Variants in PTGFRN observed in about 807,000 individuals in gnomAD.
PTGFRN encodes the protein prostaglandin F2 receptor negative regulator.
PTGFRN carries 35 observed loss-of-function variants against 83.2 expected under a neutral mutation model. The observed-to-expected ratio is 0.42, with a 90% CI of 0.32 to 0.56. The LOEUF (loss-of-function observed/expected upper bound fraction) is 0.56. Ranked by LOEUF, PTGFRN falls within the 20% of genes least tolerant of loss-of-function variation. The pLI is 0.11. For missense variants in PTGFRN, 1,051 were observed against 1,179.5 expected (o/e 0.89, Z 1.60); for synonymous variants, 519 against 498.6 (o/e 1.04, Z -0.55).
At chr1:116,986,643 TCTC>T (rs1651495182) in intron 8 of PTGFRN, among the ~76,000 whole-genome samples, 155 bp from the exon 9 acceptor site, 1 of 152,318 alleles carries the variant, frequency 6.6e-6, no homozygotes, top group African/African-American at 2.4e-5. Flanking sequence ...AGGCTGAGCT[TCTC>T]CTGTCTCCAG....
In PTGFRN at chr1:116,923,310, T is replaced by G. The variant is rs1374938360; in HGVS notation, c.49+13058T>G. ...GGCAGAAGATATCTATGTGTCCTTTTTACTATCTTTCTTATGTGTGCTTAT... is the reference window on the plus strand; with the variant it reads ...GGCAGAAGATATCTATGTGTCCTTTGTACTATCTTTCTTATGTGTGCTTAT... On this transcript the variant is annotated intron_variant, in intron 1 of 8. Coordinates refer to ENST00000393203, the MANE Select transcript of PTGFRN (RefSeq NM_020440.4). This position sits in a 1 kb window ranked among gnomAD's most constrained non-coding sequence, Gnocchi z 4.0. Among the ~76,000 whole-genome samples the G allele has an allele frequency of 6.6e-6, 1 of 152,272 alleles. No individual in the cohort carries two copies. Among genetic ancestry groups the G allele is most frequent in the Non-Finnish European group, 1.5e-5 (1 of 68,050 alleles).
At chr1:116,935,951 G>A (rs1024201120) in intron 1 of PTGFRN, among the ~76,000 whole-genome samples, 2 of 152,180 alleles carry the variant, frequency 1.3e-5, no homozygotes, top group Non-Finnish European at 2.9e-5. Context: ...GAAAACAAAT[G>A]AAGCCATAAT....
At position 116,941,169 on chromosome 1, in the gene PTGFRN, A is replaced by G. The variant is rs1650049239; in HGVS notation, c.50-546A>G. Among the ~76,000 whole-genome samples the G allele has an allele frequency of 6.6e-6, 1 of 152,220 alleles. No individual in the cohort carries two copies. Among genetic ancestry groups the G allele is most frequent in the African/African-American group, 2.4e-5 (1 of 41,454 alleles). On this transcript the variant is annotated intron_variant, in intron 1 of 8. Coordinates refer to ENST00000393203, the MANE Select transcript of PTGFRN (RefSeq NM_020440.4). This position sits in a 1 kb window ranked among gnomAD's most constrained non-coding sequence, Gnocchi z 5.0. ...AAAATTAATACTTGGTAAAATCATCATATTTTAAAATTAATTTATAGGCAA... is the reference window on the plus strand; with the variant it reads ...AAAATTAATACTTGGTAAAATCATCGTATTTTAAAATTAATTTATAGGCAA...
At chr1:116,963,480 A>T (rs1650731471) in intron 5 of PTGFRN, among the ~76,000 whole-genome samples, 1 of 151,996 alleles carries the variant, frequency 6.6e-6, no homozygotes, top group African/African-American at 2.4e-5. Context: ...GCTCTCTCTT[A>T]TGTCTTTGGT....
chr1:116,974,140 C>A, intron 6 of PTGFRN, 76 bp from the exon 7 acceptor site: 4 of 1,093,248 alleles, frequency 3.7e-6, no homozygotes, highest in African/African-American at 3.2e-5. Flanking sequence ...CATTTTGATG[C>A]CCCTTAGAGT....
chr1:116,945,943 C>T (rs1650191771), intron 3 of PTGFRN, among the ~76,000 whole-genome samples: 1 of 152,050 alleles, frequency 6.6e-6, no homozygotes, highest in Non-Finnish European at 1.5e-5. Context: ...GAGGCTTGTT[C>T]CCAGGCCCTG....
At chr1:116,982,387 A>G (rs751182557) in intron 7 of PTGFRN, among the ~76,000 whole-genome samples, 10 of 152,110 alleles carry the variant, frequency 6.6e-5, no homozygotes, top group Non-Finnish European at 1.5e-4. Context: ...TATTAAACAC[A>G]AGTTGTAATT....
Position 116,974,234 on chromosome 1 carries a change from C to G in PTGFRN, c.2078C>G (p.Ser693Cys). ...FQTSGPIFNASVHSDTPSVIR... is the reference protein window; with the variant it reads ...FQTSGPIFNACVHSDTPSVIR... ...TTTCCAGGTCCTATATTTAATGCTT[C>G]TGTGCATTCAGACACACCATCAGTA... Residue 693 changes from serine (S) to cysteine (C), a missense_variant, in exon 7 of 9, where the codon TCT becomes TGT. Coordinates refer to ENST00000393203, the MANE Select transcript of PTGFRN (RefSeq NM_020440.4). The G allele has an allele frequency of 6.2e-7, 1 of 1,609,314 alleles. No homozygotes were observed. The highest frequency in any genetic ancestry group is 8.5e-7 in the Non-Finnish European group (1 of 1,175,926).
At chr1:116,922,212 A>G (rs1448398357) in intron 1 of PTGFRN, among the ~76,000 whole-genome samples, 3 of 152,202 alleles carry the variant, frequency 2.0e-5, no homozygotes, top group African/African-American at 7.2e-5. Context: ...AATTAAGGTG[A>G]TAAGTCAGGC....
At position 116,944,725 on chromosome 1, in the gene PTGFRN, G is replaced by T; in HGVS notation, c.465G>T (p.Pro155=). The T allele has an allele frequency of 6.8e-7, 1 of 1,460,096 alleles. No homozygotes were observed. 90.4% of individuals were successfully genotyped at this position (1,460,096 alleles called of 1,614,324 possible). A position where few individuals can be genotyped will look rare whatever the true frequency, so the allele number is the denominator to read the frequency against. Residue 155 remains proline, a synonymous_variant, in exon 3 of 9, where the codon CCG becomes CCT. Transcript: ENST00000393203. ...LHVGPSARPP[P]SLSLREGEPF... is the part of the protein sequence containing the mutation. ...TGGGCCCCAGCGCGCGGCCCCCGCCGAGCCTGAGCCTGCGGGAGGGGGAGC... is the reference window on the plus strand; with the variant it reads ...TGGGCCCCAGCGCGCGGCCCCCGCCTAGCCTGAGCCTGCGGGAGGGGGAGC...
chr1:116,950,776 AG>A (rs2101069243), intron 4 of PTGFRN, among the ~76,000 whole-genome samples: 1 of 152,300 alleles, frequency 6.6e-6, no homozygotes, highest in South Asian at 2.1e-4. Flanking sequence ...GAGACGAGGC[AG>A]GGTGTTCATC....
At chr1:116,964,110 C>G (rs10923183) in intron 5 of PTGFRN, among the ~76,000 whole-genome samples, 27,001 of 151,966 alleles carry the variant, frequency 0.18, 2,590 homozygotes, top group Middle Eastern at 0.25. Context: ...TCTTGATCTT[C>G]CTTCTTCATC....
chr1:116,975,793 G>GA (rs1651134062), intron 7 of PTGFRN, among the ~76,000 whole-genome samples: 1 of 152,152 alleles, frequency 6.6e-6, no homozygotes, highest in Non-Finnish European at 1.5e-5. Context: ...CAGAAAAGCT[G>GA]AAAATTCTAA....
intron 1 of PTGFRN, among the ~76,000 whole-genome samples, chr1:116,931,180 G>A (rs779862018): frequency 2.0e-5 from 3 of 152,172 alleles, no homozygotes; most frequent in Non-Finnish European, 4.4e-5. Context: ...GGAGCACTTT[G>A]GATTTTGGAT....
At chr1:116,964,193 A>G (rs1254954766) in intron 5 of PTGFRN, among the ~76,000 whole-genome samples, 1 of 152,166 alleles carries the variant, frequency 6.6e-6, no homozygotes, top group African/African-American at 2.4e-5. Flanking sequence ...TTTGACGTAT[A>G]TATACTCAGT....
At chr1:116,940,229 C>G (rs544187315) in intron 1 of PTGFRN, among the ~76,000 whole-genome samples, 48 of 152,186 alleles carry the variant, frequency 3.2e-4, no homozygotes, top group Non-Finnish European at 5.6e-4. Context: ...ATCAAGGTGT[C>G]GGGGAGTGGT....
intron 6 of PTGFRN, among the ~76,000 whole-genome samples, chr1:116,967,861 G>A (rs1176509807): frequency 6.6e-6 from 1 of 152,150 alleles, no homozygotes; most frequent in Admixed American, 6.5e-5. Flanking sequence ...TCCAGTTCTT[G>A]ACTGTTACAA....
chr1:116,936,893 A>G (rs1278765080), intron 1 of PTGFRN, among the ~76,000 whole-genome samples: 4 of 152,224 alleles, frequency 2.6e-5, no homozygotes, highest in Non-Finnish European at 5.9e-5. Context: ...ATCACTACTC[A>G]TATGGAACTT....
intron 4 of PTGFRN, among the ~76,000 whole-genome samples, chr1:116,951,078 C>G (rs764467348): frequency 6.6e-6 from 1 of 152,140 alleles, no homozygotes; most frequent in East Asian, 1.9e-4. Flanking sequence ...TCTCCGTACC[C>G]GCTCCCCCTT....
Sources: allele counts gnomAD v4.1 joint callset (sites outside exome capture counted in the v4.1 genomes callset), GRCh38; gene constraint gnomAD v4.1.1; non-coding constraint Gnocchi (gnomAD v3.1); transcripts MANE v1.5; gene names NCBI Gene and HGNC (gene_info 2026-07-23, HGNC 2026-07-21).